The following ADAM32 variants were observed in gnomAD, a reference collection of about 807,000 sequenced individuals.
ADAM32 encodes the protein ADAM metallopeptidase domain 32.
ADAM32 carries 89 observed loss-of-function variants against 114.9 expected under a neutral mutation model. That is an observed-to-expected ratio of 0.77 (90% CI 0.65 to 0.92). The LOEUF (loss-of-function observed/expected upper bound fraction) is 0.92. Among genes scored for constraint, ADAM32 ranks in the 40% least tolerant of loss-of-function variants. The probability of loss-of-function intolerance (pLI) is 0.00; values close to 1 mark genes in which losing one functional copy is unlikely to be tolerated. For missense variants in ADAM32, 870 were observed against 932.8 expected (o/e 0.93, Z 0.88); for synonymous variants, 285 against 307.5 (o/e 0.93, Z 0.77).
intron 4 of ADAM32, 33 bp from the exon 5 acceptor site, chr8:39,149,758 C>A (rs1293331007): frequency 1.3e-6 from 2 of 1,501,510 alleles, no homozygotes; most frequent in Non-Finnish European, 9.2e-7. Context: ...TTGTTACTTC[C>A]TAAGTGACTA....
At chr8:39,132,039 A>G (rs948611553) in intron 2 of ADAM32, 7 of 271,140 alleles carry the variant, frequency 2.6e-5, no homozygotes, top group African/African-American at 1.4e-4. Context: ...GATTACAGGC[A>G]TGCACCACCA....
intron 3 of ADAM32, among the ~76,000 whole-genome samples, chr8:39,145,237 A>T (rs1279218228): frequency 6.6e-6 from 1 of 152,178 alleles, no homozygotes; most frequent in Non-Finnish European, 1.5e-5. Context: ...GTCCAAATTG[A>T]TACACAAATT....
At chr8:39,263,501 C>T (rs1216000004) in intron 19 of ADAM32, among the ~76,000 whole-genome samples, 1 of 152,132 alleles carries the variant, frequency 6.6e-6, no homozygotes, top group Non-Finnish European at 1.5e-5. Context: ...TCTATTTCCT[C>T]CTTTTTCTTC....
intron 20 of ADAM32, among the ~76,000 whole-genome samples, chr8:39,273,358 A>T (rs1812855477): frequency 6.6e-6 from 1 of 151,836 alleles, no homozygotes; most frequent in Non-Finnish European, 1.5e-5. Flanking sequence ...ATACAAAAAT[A>T]AATAAATAAA....
At chr8:39,183,619 GTT>G (rs1357121536) in intron 10 of ADAM32, among the ~76,000 whole-genome samples, 3 of 152,146 alleles carry the variant, frequency 2.0e-5, no homozygotes, top group Non-Finnish European at 4.4e-5. Flanking sequence ...ATGGCACCAA[GTT>G]TTGGCTGCTG....
Position 39,165,038 on chromosome 8 carries a change from C to T in ADAM32, c.675C>T (p.Thr225=). The T allele has an allele frequency of 6.3e-7, 1 of 1,593,708 alleles. No individual in the cohort carries two copies. Residue 225 remains threonine, a synonymous_variant, in exon 9 of 25, where the codon ACC becomes ACT. Coordinates refer to ENST00000379907, the MANE Select transcript of ADAM32 (RefSeq NM_145004.7). The part of the protein sequence containing the change: ...EIVGLANSMF[T]QFKVTIVLSS... ...ATCTCTTCTGTTTTTAGATGTTCAC[C>T]CAATTTAAAGTTACTATTGTGCTGT...
At chr8:39,191,121 C>T (rs1806577370) in intron 11 of ADAM32, among the ~76,000 whole-genome samples, 1 of 152,136 alleles carries the variant, frequency 6.6e-6, no homozygotes, top group Non-Finnish European at 1.5e-5. Context: ...CCGTGGTGTG[C>T]GTGTACCACA....
At chr8:39,207,415 T>A (rs1207555493) in intron 11 of ADAM32, among the ~76,000 whole-genome samples, 2 of 152,218 alleles carry the variant, frequency 1.3e-5, no homozygotes, top group Non-Finnish European at 2.9e-5. Context: ...TCATACATTT[T>A]AAAAATTTAT....
intron 11 of ADAM32, among the ~76,000 whole-genome samples, chr8:39,193,355 G>C (rs1207663361): frequency 1.3e-5 from 2 of 152,064 alleles, no homozygotes; most frequent in African/African-American, 2.4e-5. Context: ...TATCAGGTTG[G>C]TTATGTTCTT....
chr8:39,140,397 C>T (rs1477705169), intron 3 of ADAM32, among the ~76,000 whole-genome samples: 1 of 152,146 alleles, frequency 6.6e-6, no homozygotes, highest in Non-Finnish European at 1.5e-5. Context: ...GCCTTTTCTG[C>T]ATCTATTGAG....
At chr8:39,226,543 A>C (rs1809381714) in intron 14 of ADAM32, among the ~76,000 whole-genome samples, 1 of 152,136 alleles carries the variant, frequency 6.6e-6, no homozygotes, top group African/African-American at 2.4e-5. Flanking sequence ...GAGAAAAAAA[A>C]AGATTAAGTA....
chr8:39,196,088 T>C (rs1806966983), intron 11 of ADAM32, among the ~76,000 whole-genome samples: 2 of 152,212 alleles, frequency 1.3e-5, no homozygotes, highest in Non-Finnish European at 2.9e-5. Context: ...AGGTATTTTA[T>C]ATTTTTCATG....
At chr8:39,193,044 G>A (rs1158353456) in intron 11 of ADAM32, among the ~76,000 whole-genome samples, 2 of 152,136 alleles carry the variant, frequency 1.3e-5, no homozygotes, top group East Asian at 1.9e-4. Context: ...TGGATTTCTT[G>A]AATTTGAATG....
chr8:39,162,255 G>A (rs1303571037), intron 7 of ADAM32, among the ~76,000 whole-genome samples: 2 of 146,678 alleles, frequency 1.4e-5, no homozygotes, highest in Non-Finnish European at 3.0e-5. Context: ...GTGAGAACAT[G>A]CGGTGTTTGG....
At chr8:39,184,264 A>G (rs1275158700) in intron 10 of ADAM32, among the ~76,000 whole-genome samples, 2 of 152,228 alleles carry the variant, frequency 1.3e-5, no homozygotes, top group Non-Finnish European at 2.9e-5. Flanking sequence ...AAGGGATGCC[A>G]TATTACTCTT....
intron 5 of ADAM32, among the ~76,000 whole-genome samples, chr8:39,151,027 G>C (rs1351160716): frequency 1.3e-5 from 2 of 149,316 alleles, no homozygotes; most frequent in Non-Finnish European, 3.0e-5. Flanking sequence ...TTTTTCAAAA[G>C]CATGGCAAAC....
chr8:39,262,939 C>T (rs1233784361), intron 19 of ADAM32, among the ~76,000 whole-genome samples: 1 of 152,076 alleles, frequency 6.6e-6, no homozygotes, highest in Non-Finnish European at 1.5e-5. Context: ...AACTCCTGGC[C>T]TCAAGTGATC....
At chr8:39,176,697 C>G (rs537271087) in intron 10 of ADAM32, among the ~76,000 whole-genome samples, 1 of 152,210 alleles carries the variant, frequency 6.6e-6, no homozygotes, top group Non-Finnish European at 1.5e-5. Flanking sequence ...AGATATCTAT[C>G]AGGTCCACTT....
chr8:39,172,171 A>T (rs2129446513), intron 10 of ADAM32, among the ~76,000 whole-genome samples: 1 of 152,158 alleles, frequency 6.6e-6, no homozygotes, highest in East Asian at 1.9e-4. Context: ...AACTTCTTTT[A>T]CTTGTTATGG....
Sources: gnomAD v4.1 joint callset for allele counts (sites outside exome capture counted in the v4.1 genomes callset) on GRCh38, gnomAD v4.1.1 for gene constraint, MANE v1.5 for transcripts, NCBI Gene and HGNC (gene_info 2026-07-23, HGNC 2026-07-21) for gene names.